CSTPP1: variants seen among roughly 807,000 people sequenced by gnomAD.
CSTPP1 encodes the protein centriolar satellite-associated tubulin polyglutamylase complex regulator 1, also known as UPF0705 protein C11orf49.
the CSTPP1 span, among the ~76,000 whole-genome samples, chr11:47,004,941 A>G: frequency 1.3e-5 from 2 of 152,190 alleles, no homozygotes; most frequent in African/African-American, 4.8e-5. Context: ...CCAAAGAGAG[A>G]ACATTACACA....
chr11:47,125,973 T>C, the CSTPP1 span, among the ~76,000 whole-genome samples: 1 of 151,378 alleles, frequency 6.6e-6, no homozygotes, highest in Non-Finnish European at 1.5e-5. Flanking sequence ...GCTAAGATTG[T>C]ACCGCTGTAT....
At chr11:47,089,705 G>A in the CSTPP1 span, among the ~76,000 whole-genome samples, 1 of 152,160 alleles carries the variant, frequency 6.6e-6, no homozygotes, top group Non-Finnish European at 1.5e-5. Context: ...AGGTGAGGCA[G>A]GAAGTCTCCT....
At chr11:47,032,825 C>A in the CSTPP1 span, among the ~76,000 whole-genome samples, 5 of 152,172 alleles carry the variant, frequency 3.3e-5, no homozygotes, top group African/African-American at 1.2e-4. Flanking sequence ...CAGGTGCCGA[C>A]CTCTCCTCTT....
the CSTPP1 span, among the ~76,000 whole-genome samples, chr11:47,061,281 G>C: frequency 6.6e-6 from 1 of 152,126 alleles, no homozygotes; most frequent in African/African-American, 2.4e-5. Context: ...TGCTTTTATA[G>C]AGCTTACATT....
chr11:47,131,287 C>T, the CSTPP1 span, among the ~76,000 whole-genome samples: 6 of 152,184 alleles, frequency 3.9e-5, no homozygotes, highest in Admixed American at 3.9e-4. Context: ...ATCCGATCTA[C>T]AGCTATATTC....
chr11:47,117,043 G>A, the CSTPP1 span, among the ~76,000 whole-genome samples: 2 of 152,112 alleles, frequency 1.3e-5, no homozygotes, highest in Non-Finnish European at 2.9e-5. Context: ...CACGTGAGAT[G>A]GGTCTCCTGA....
At chr11:46,957,707 C>A in the CSTPP1 span, among the ~76,000 whole-genome samples, 1 of 152,138 alleles carries the variant, frequency 6.6e-6, no homozygotes, top group Non-Finnish European at 1.5e-5. Flanking sequence ...AATATTGTCT[C>A]ATCTCTGTTC....
At chr11:47,163,890 C>A in the CSTPP1 span, among the ~76,000 whole-genome samples, 1 of 152,132 alleles carries the variant, frequency 6.6e-6, no homozygotes, top group Non-Finnish European at 1.5e-5. Flanking sequence ...AAGTGATCCA[C>A]CCGCCTCAGC....
chr11:46,963,549 C>CT, the CSTPP1 span, among the ~76,000 whole-genome samples: 4 of 151,788 alleles, frequency 2.6e-5, no homozygotes, highest in Non-Finnish European at 5.9e-5. Context: ...GCGAGAAGGC[C>CT]TGGATGGGCA....
At chr11:47,093,590 C>T in the CSTPP1 span, among the ~76,000 whole-genome samples, 25 of 152,264 alleles carry the variant, frequency 1.6e-4, no homozygotes, top group African/African-American at 5.5e-4. Context: ...AGAGAGGCAA[C>T]ATAGCGTAAT....
chr11:47,073,260 C>T, the CSTPP1 span, among the ~76,000 whole-genome samples: 1 of 152,150 alleles, frequency 6.6e-6, no homozygotes, highest in Non-Finnish European at 1.5e-5. Flanking sequence ...TACCAAGATG[C>T]TTACAATCTA....
the CSTPP1 span, among the ~76,000 whole-genome samples, chr11:47,136,030 C>G: frequency 1.3e-5 from 2 of 151,712 alleles, no homozygotes; most frequent in Non-Finnish European, 2.9e-5. Flanking sequence ...TGTTATCTTC[C>G]CAAGGATATT....
the CSTPP1 span, among the ~76,000 whole-genome samples, chr11:46,954,156 G>T: frequency 1.3e-5 from 2 of 152,186 alleles, no homozygotes; most frequent in South Asian, 4.2e-4. Context: ...ATGGGAATTG[G>T]TAAAAGAAAA....
chr11:47,072,099 A>C, the CSTPP1 span, among the ~76,000 whole-genome samples: 2 of 152,178 alleles, frequency 1.3e-5, no homozygotes, highest in East Asian at 3.8e-4. Flanking sequence ...TCACTTCAAG[A>C]ATCTCCTTAA....
At chr11:47,058,828 C>T in the CSTPP1 span, among the ~76,000 whole-genome samples, 15 of 152,246 alleles carry the variant, frequency 9.9e-5, no homozygotes, top group East Asian at 2.9e-3. Flanking sequence ...ATTGCTTCAG[C>T]GTGTTATGCA....
chr11:46,993,192 G>T, the CSTPP1 span, among the ~76,000 whole-genome samples: 4 of 152,154 alleles, frequency 2.6e-5, no homozygotes, highest in African/African-American at 9.7e-5. Flanking sequence ...TAGGTTGCCT[G>T]TTCACTCTGA....
At chr11:47,002,421 G>T in the CSTPP1 span, among the ~76,000 whole-genome samples, 1 of 152,170 alleles carries the variant, frequency 6.6e-6, no homozygotes, top group Non-Finnish European at 1.5e-5. Context: ...GATGCAAGAA[G>T]TTGCCTGTTT....
At chr11:47,054,154 CA>C in the CSTPP1 span, among the ~76,000 whole-genome samples, 3 of 147,548 alleles carry the variant, frequency 2.0e-5, no homozygotes, top group Non-Finnish European at 4.5e-5. Flanking sequence ...CTAAAAAATA[CA>C]AAAAAATTAG....
chr11:47,164,256 C>A, the CSTPP1 span: 1 of 1,611,062 alleles, frequency 6.2e-7, no homozygotes, highest in Non-Finnish European at 8.5e-7. Flanking sequence ...AGAGTGAGGC[C>A]AGGGGCCGGC....
Sources: gnomAD v4.1 joint callset for allele counts (sites outside exome capture counted in the v4.1 genomes callset) on GRCh38, gnomAD v4.1.1 for gene constraint, MANE v1.5 for transcripts, NCBI Gene and HGNC (gene_info 2026-07-23, HGNC 2026-07-21) for gene names.